GLI2: variants seen among roughly 807,000 people sequenced by gnomAD.
GLI2 encodes the protein transcription activator GLI2.
A neutral mutation model predicts 78.9 loss-of-function variants in GLI2; 22 were observed. That is an observed-to-expected ratio of 0.28 (90% CI 0.20 to 0.40). The LOEUF (loss-of-function observed/expected upper bound fraction) is 0.40, where lower values mean the gene tolerates loss of function less well. Ranked by LOEUF, GLI2 falls within the 10% of genes least tolerant of loss-of-function variation. The pLI, the probability that GLI2 is intolerant of heterozygous loss-of-function variation, is 1.00. For synonymous variants in GLI2, 974 were observed against 963.7 expected (o/e 1.01, Z -0.20); for missense variants, 2,097 against 2,213.2 (o/e 0.95, Z 1.05).
intron 2 of GLI2, among the ~76,000 whole-genome samples, chr2:120,873,649 C>CA: frequency 6.6e-6 from 1 of 152,312 alleles, no homozygotes; most frequent in East Asian, 1.9e-4. Flanking sequence ...CAGGGCTCTG[C>CA]AGTCTACATT....
chr2:120,778,806 C>T (rs906260614), intron 1 of GLI2, among the ~76,000 whole-genome samples: 1 of 152,226 alleles, frequency 6.6e-6, no homozygotes, highest in Non-Finnish European at 1.5e-5. Context: ...ACCAGGTTGG[C>T]TTGCAAATAC....
intron 3 of GLI2, among the ~76,000 whole-genome samples, chr2:120,942,190 A>G (rs1680479648): frequency 6.6e-6 from 1 of 152,182 alleles, no homozygotes; most frequent in Admixed American, 6.5e-5. Flanking sequence ...GGGCTGCTGT[A>G]ACACGGTACC....
At chr2:120,973,511 G>A (rs971164481) in intron 8 of GLI2, among the ~76,000 whole-genome samples, 8 of 152,158 alleles carry the variant, frequency 5.3e-5, no homozygotes, top group Admixed American at 6.5e-5. Flanking sequence ...TCAGTGTCCC[G>A]ATTCACTGAC....
At chr2:120,838,786 A>C (rs1686732229) in intron 2 of GLI2, among the ~76,000 whole-genome samples, 1 of 152,206 alleles carries the variant, frequency 6.6e-6, no homozygotes, top group Admixed American at 6.5e-5. Context: ...AATCCTTACC[A>C]TTGTGTTACA....
intron 1 of GLI2, among the ~76,000 whole-genome samples, chr2:120,764,927 C>T (rs1049738562): frequency 6.6e-6 from 1 of 152,178 alleles, no homozygotes; most frequent in Non-Finnish European, 1.5e-5. Flanking sequence ...CTTTGTGTCT[C>T]TTGAGGAAAT....
At chr2:120,746,676 T>TA (rs1387231667) in intron 1 of GLI2, among the ~76,000 whole-genome samples, 2 of 152,154 alleles carry the variant, frequency 1.3e-5, no homozygotes, top group Admixed American at 6.5e-5. Context: ...GTAAAAATAC[T>TA]AAAAAAAGCC....
intron 5 of GLI2, among the ~76,000 whole-genome samples, chr2:120,964,606 C>G (rs1382240488): frequency 6.6e-6 from 1 of 152,200 alleles, no homozygotes. Flanking sequence ...TCCCGGGTCT[C>G]CCGCTTTGCC....
chr2:120,907,997 G>A (rs1333251306), intron 2 of GLI2, among the ~76,000 whole-genome samples: 1 of 152,214 alleles, frequency 6.6e-6, no homozygotes, highest in Non-Finnish European at 1.5e-5. Context: ...ACCACCTGGT[G>A]AAAGCCCCCA....
rs1322511181 is a variant in GLI2 at position 120,838,104 on chromosome 2, G to A, written c.148+40636G>A. On this transcript the variant is annotated intron_variant, in intron 2 of 13. Transcript: ENST00000361492. The stretch of plus-strand genomic sequence containing the variant: ...CATCTTTGTCATTTTGAGTTTTCCC[G>A]CCCATGATCACGGCCTTTCTCCCTA... Among the ~76,000 whole-genome samples the A allele has an allele frequency of 6.6e-5, 10 of 152,228 alleles. No homozygotes were observed. In the South Asian group the frequency reaches 8.3e-4, roughly 13 times the overall value.
At chr2:120,939,214 G>A (rs1425015814) in intron 3 of GLI2, among the ~76,000 whole-genome samples, 1 of 152,252 alleles carries the variant, frequency 6.6e-6, no homozygotes, top group East Asian at 1.9e-4. Flanking sequence ...CCTAGGAGGC[G>A]GAAGTTGCAG....
intron 1 of GLI2, among the ~76,000 whole-genome samples, chr2:120,793,315 T>A (rs1431752040): frequency 6.6e-6 from 1 of 152,254 alleles, no homozygotes; most frequent in African/African-American, 2.4e-5. Flanking sequence ...AGGAATTGAC[T>A]CTTCTCCTTC....
At chr2:120,783,626 A>G (rs1683910847) in intron 1 of GLI2, among the ~76,000 whole-genome samples, 1 of 152,092 alleles carries the variant, frequency 6.6e-6, no homozygotes, top group Non-Finnish European at 1.5e-5. Flanking sequence ...CACGAAGTGC[A>G]GGAACAAGCA....
chr2:120,892,893 C>T (rs868455441), intron 2 of GLI2, among the ~76,000 whole-genome samples: 1 of 152,240 alleles, frequency 6.6e-6, no homozygotes, highest in Non-Finnish European at 1.5e-5. Flanking sequence ...CTTGCACTCA[C>T]ATCCTTGTCT....
At chr2:120,897,522 T>A (rs754880119) in intron 2 of GLI2, among the ~76,000 whole-genome samples, 29 of 152,178 alleles carry the variant, frequency 1.9e-4, no homozygotes, top group Non-Finnish European at 3.8e-4. Flanking sequence ...GGGCAAAGAT[T>A]GTAGGCACAG....
chr2:120,742,137 C>T (rs1682566713), intron 1 of GLI2, among the ~76,000 whole-genome samples: 2 of 152,230 alleles, frequency 1.3e-5, no homozygotes, highest in South Asian at 2.1e-4. Flanking sequence ...TTGGTGGCGT[C>T]TGAAACTTTT....
chr2:120,805,619 A>T (rs1684912901), intron 2 of GLI2, among the ~76,000 whole-genome samples: 1 of 152,256 alleles, frequency 6.6e-6, no homozygotes, highest in South Asian at 2.1e-4. Context: ...CAAAATGCAG[A>T]GGGTTGCCTA....
chr2:120,860,239 G>A (rs928629769), intron 2 of GLI2, among the ~76,000 whole-genome samples: 1 of 152,202 alleles, frequency 6.6e-6, no homozygotes. Flanking sequence ...GGTGTTTAGA[G>A]TAAGGTCAAG....
chr2:120,774,805 C>G (rs913923513), intron 1 of GLI2, among the ~76,000 whole-genome samples: 10 of 152,184 alleles, frequency 6.6e-5, no homozygotes, highest in African/African-American at 2.2e-4. Context: ...CTGCATGACT[C>G]CATTGGTATG....
intron 1 of GLI2, among the ~76,000 whole-genome samples, chr2:120,790,023 C>A (rs968630031): frequency 6.6e-6 from 1 of 152,330 alleles, no homozygotes; most frequent in Non-Finnish European, 1.5e-5. Flanking sequence ...TGCAGCGACA[C>A]CCTAGGCAGA....
Sources: allele counts gnomAD v4.1 joint callset (sites outside exome capture counted in the v4.1 genomes callset), GRCh38; gene constraint gnomAD v4.1.1; transcripts MANE v1.5; gene names NCBI Gene and HGNC (gene_info 2026-07-23, HGNC 2026-07-21).